COL21A1: variants seen among roughly 807,000 people sequenced by gnomAD.
The protein encoded by COL21A1 is collagen alpha-1(XXI) chain.
In COL21A1, 149 loss-of-function variants were observed where a neutral mutation model predicts 137.9. The observed-to-expected ratio is 1.08, with a 90% CI of 0.95 to 1.24. The LOEUF (loss-of-function observed/expected upper bound fraction) is 1.24, where lower values mean the gene tolerates loss of function less well. COL21A1 is among the 50% of genes most tolerant of loss of function. COL21A1 has a pLI of 0.00. For missense variants in COL21A1, 1,167 were observed against 1,158.4 expected (o/e 1.01, Z -0.11); for synonymous variants, 456 against 391.5 (o/e 1.16, Z -1.95).
chr6:56,195,012 T>C (rs1462840791), intron 1 of COL21A1, among the ~76,000 whole-genome samples: 1 of 152,064 alleles, frequency 6.6e-6, no homozygotes, highest in African/African-American at 2.4e-5. Context: ...CTGGTGGCTT[T>C]ATGAAAAAAG....
chr6:56,222,325 C>A (rs1194599369), intron 1 of COL21A1, among the ~76,000 whole-genome samples: 2 of 151,948 alleles, frequency 1.3e-5, no homozygotes, highest in Admixed American at 1.3e-4. Flanking sequence ...GCTTTACAGG[C>A]AACTAATTGT....
At chr6:56,098,078 T>A (rs1345870407) in intron 17 of COL21A1, among the ~76,000 whole-genome samples, 10 of 27,226 alleles carry the variant, frequency 3.7e-4, no homozygotes, top group Admixed American at 6.4e-4. Flanking sequence ...TAAATATATA[T>A]AAATATAAAT....
At chr6:56,283,321 G>GT (rs1763826085) in intron 1 of COL21A1, among the ~76,000 whole-genome samples, 1 of 151,814 alleles carries the variant, frequency 6.6e-6, no homozygotes, top group South Asian at 2.1e-4. Flanking sequence ...CATTAAAATG[G>GT]TTTTTTGACA....
At chr6:56,187,945 G>GA (rs199748078) in intron 1 of COL21A1, among the ~76,000 whole-genome samples, 2,225 of 151,958 alleles carry the variant, frequency 0.015, 33 homozygotes, top group Middle Eastern at 0.041. Flanking sequence ...ATAATAAAAA[G>GA]AAAAACAACA....
At chr6:56,365,227 T>C (rs2152349168) in intron 1 of COL21A1, among the ~76,000 whole-genome samples, 1 of 152,288 alleles carries the variant, frequency 6.6e-6, no homozygotes, top group East Asian at 1.9e-4. Context: ...TTGACCAAAA[T>C]GACTCACAGG....
At chr6:56,082,082 T>C (rs1562165573) in intron 17 of COL21A1, among the ~76,000 whole-genome samples, 1 of 151,932 alleles carries the variant, frequency 6.6e-6, no homozygotes, top group Non-Finnish European at 1.5e-5. Flanking sequence ...CAATGTTACG[T>C]TGCAAAAGCA....
chr6:56,118,424 A>T (rs916231560), intron 16 of COL21A1, among the ~76,000 whole-genome samples: 2 of 152,028 alleles, frequency 1.3e-5, no homozygotes, highest in African/African-American at 4.8e-5. Context: ...AAGTAACAAG[A>T]TGCAAACTGT....
rs1042449266 is a variant in COL21A1, at chr6:56,306,333, T to C, written c.-39+87638A>G. Among the ~76,000 whole-genome samples, 12 of 151,440 alleles carry C rather than the reference T, an allele frequency of 7.9e-5. No individual in the cohort carries two copies. In the East Asian group the frequency reaches 2.1e-3, roughly 27 times the overall value. ...TAATATCCTGCAGAGTGTTTTCCAA[T>C]TTGGTTCCATTCTCCCCGTCACTTT... On this transcript the variant is annotated intron_variant, in intron 1 of 28. Coordinates refer to the COL21A1 transcript ENST00000370819.
intron 1 of COL21A1, among the ~76,000 whole-genome samples, chr6:56,291,877 G>A (rs1475986315): frequency 6.6e-6 from 1 of 152,266 alleles, no homozygotes; most frequent in Admixed American, 6.5e-5. Flanking sequence ...CATCTTACAT[G>A]TAAAGACTAT....
At position 56,059,147 on chromosome 6, in the gene COL21A1, G is replaced by T. The variant is rs1313317219; in HGVS notation, c.2686+18C>A. On this transcript the variant is annotated intron_variant, in intron 29 of 29. Coordinates refer to ENST00000244728, the MANE Select transcript of COL21A1 (RefSeq NM_030820.4). ...GCAAAATGAGCAGTAACACTTATGAGCAGGTAGCAATTCTCACCTGGGGGA... is the reference window on the plus strand; with the variant it reads ...GCAAAATGAGCAGTAACACTTATGATCAGGTAGCAATTCTCACCTGGGGGA... 2.1e-5 allele frequency: 34 copies of T among 1,593,758 alleles called. No individual in the cohort carries two copies. The Admixed American group carries it at 5.5e-4, about 26-fold the overall frequency.
chr6:56,222,683 T>C (rs1480180978), intron 1 of COL21A1, among the ~76,000 whole-genome samples: 1 of 152,108 alleles, frequency 6.6e-6, no homozygotes, highest in Non-Finnish European at 1.5e-5. Flanking sequence ...AAAAAAATCA[T>C]GTACACAAAG....
At chr6:56,386,543 C>T (rs1345562111) in intron 1 of COL21A1, among the ~76,000 whole-genome samples, 1 of 152,052 alleles carries the variant, frequency 6.6e-6, no homozygotes, top group Non-Finnish European at 1.5e-5. Context: ...TACATTCCTA[C>T]CAACAAGGTA....
chr6:56,125,685 A>G (rs1772999068), intron 13 of COL21A1, 65 bp from the exon 14 acceptor site: 1 of 1,056,314 alleles, frequency 9.5e-7, no homozygotes, highest in Non-Finnish European at 1.3e-6. Flanking sequence ...TAAAGAAAAA[A>G]TACAGATTAT....
Position 56,256,152 on chromosome 6 carries a change from G to A in COL21A1, c.-38-73496C>T, listed in dbSNP as rs116095271. 3.5e-3 allele frequency among the ~76,000 whole-genome samples: 529 copies of A among 152,272 alleles called. 2 individuals carry two copies. Among genetic ancestry groups the A allele is most frequent in the African/African-American group, 0.012 (493 of 41,544 alleles). On this transcript the variant is annotated intron_variant, in intron 1 of 28. Coordinates refer to the COL21A1 transcript ENST00000370819. The stretch of plus-strand genomic sequence containing the variant: ...GAAATAAGGTTCTCTAGATGACACC[G>A]AGGTTAAAGACCAGGCTAAAATTAC...
In COL21A1 at chr6:56,340,630, C is replaced by A. The variant is rs375552666; in HGVS notation, c.-39+53341G>T. ...CACTAGACCTTTAAATTCAGAGATT[C>A]TCTGTTGGCTGTGTTTATTTTCAAG... On this transcript the variant is annotated intron_variant, in intron 1 of 28. Coordinates refer to the COL21A1 transcript ENST00000370819. Among the ~76,000 whole-genome samples, 83 of 152,262 alleles carry A rather than the reference C, an allele frequency of 5.5e-4. 1 individual carries two copies. The highest frequency in any genetic ancestry group is 2.0e-3 in the African/African-American group (83 of 41,544).
chr6:56,252,543 T>A (rs1423989950), upstream of COL21A1, among the ~76,000 whole-genome samples: 1 of 152,212 alleles, frequency 6.6e-6, no homozygotes, highest in African/African-American at 2.4e-5. Context: ...CAGACAAAGC[T>A]GCAGAGACCA....
chr6:56,322,085 C>T (rs1156792277), intron 1 of COL21A1, among the ~76,000 whole-genome samples: 6 of 152,142 alleles, frequency 3.9e-5, no homozygotes, highest in Admixed American at 1.3e-4. Flanking sequence ...CAAAGCCAAA[C>T]TTGCACCAAA....
intron 17 of COL21A1, among the ~76,000 whole-genome samples, chr6:56,098,830 C>T (rs1770140556): frequency 6.8e-6 from 1 of 146,150 alleles, no homozygotes; most frequent in Admixed American, 7.3e-5. Context: ...ATTCTCCTGC[C>T]TCAGCCTCCC....
intron 1 of COL21A1, among the ~76,000 whole-genome samples, chr6:56,340,894 A>C (rs1263130497): frequency 1.3e-5 from 2 of 152,210 alleles, no homozygotes; most frequent in Admixed American, 1.3e-4. Flanking sequence ...CCAAGGTGTC[A>C]GCAAGTGGAA....
Sources: gnomAD v4.1 joint callset for allele counts (sites outside exome capture counted in the v4.1 genomes callset) on GRCh38, gnomAD v4.1.1 for gene constraint, MANE v1.5 for transcripts, NCBI Gene and HGNC (gene_info 2026-07-23, HGNC 2026-07-21) for gene names.